LGALS9C: variants seen among roughly 807,000 people sequenced by gnomAD.
The protein encoded by LGALS9C is galectin-9C.
A neutral mutation model predicts 41.3 loss-of-function variants in LGALS9C; 7 were observed. That is an observed-to-expected ratio of 0.17 (90% CI 0.10 to 0.32). The LOEUF (loss-of-function observed/expected upper bound fraction) is 0.32, where lower values mean the gene tolerates loss of function less well. LGALS9C is among the 10% of genes least tolerant of loss of function. LGALS9C has a pLI of 1.00. For missense variants in LGALS9C, 102 were observed against 455.2 expected (o/e 0.22, Z 7.06); for synonymous variants, 44 against 171.0 (o/e 0.26, Z 5.80).
In LGALS9C at chr17:18,477,392, C is replaced by G. The variant is rs569228939; in HGVS notation, c.39+499C>G. On this transcript the variant is annotated intron_variant, in intron 1 of 10. Coordinates refer to ENST00000328114, the MANE Select transcript of LGALS9C (RefSeq NM_001040078.3). ...GATATGGATTAAGGAAGTAGTGTATCTAGAGTGTTTGAACAGTGCCTGACA... is the reference window on the plus strand; with the variant it reads ...GATATGGATTAAGGAAGTAGTGTATGTAGAGTGTTTGAACAGTGCCTGACA... Among the ~76,000 whole-genome samples, 6 of 122,398 alleles carry G rather than the reference C, an allele frequency of 4.9e-5. 1 individual carries two copies. Among genetic ancestry groups the G allele is most frequent in the African/African-American group, 1.5e-4 (6 of 39,432 alleles). The allele number at this position is 122,398 out of a possible 152,430, so 80.3% of individuals were successfully genotyped here. A position where few individuals can be genotyped will look rare whatever the true frequency, so the allele number is the denominator to read the frequency against.
chr17:18,476,948 G>A lies in LGALS9C; in HGVS notation c.39+55G>A, dbSNP rs1395916976. On this transcript the variant is annotated intron_variant, in intron 1 of 10. Coordinates refer to ENST00000328114, the MANE Select transcript of LGALS9C (RefSeq NM_001040078.3). ...GCCTCAGCCAGGGGGACACAGTTCTGGGGCTCTGAGGAAGCAACTCCTGGG... is the reference window on the plus strand; with the variant it reads ...GCCTCAGCCAGGGGGACACAGTTCTAGGGCTCTGAGGAAGCAACTCCTGGG... The A allele has an allele frequency of 1.2e-5, 18 of 1,445,436 alleles. No homozygotes were observed. The East Asian group carries it at 4.0e-4, about 32-fold the overall frequency. 89.5% of individuals were successfully genotyped at this position (1,445,436 alleles called of 1,614,324 possible).
chr17:18,484,739 C>G (rs1989529166), intron 2 of LGALS9C, among the ~76,000 whole-genome samples: 1 of 151,068 alleles, frequency 6.6e-6, no homozygotes, highest in African/African-American at 2.4e-5. Flanking sequence ...TCTTAAGACC[C>G]TCTGGGCCTC....
chr17:18,479,321 G>A lies in LGALS9C; in HGVS notation c.39+2428G>A, dbSNP rs1289179033. Among the ~76,000 whole-genome samples, 3 of 130,138 alleles carry A rather than the reference G, an allele frequency of 2.3e-5. No homozygotes were observed. The East Asian group carries it at 5.8e-4, about 25-fold the overall frequency. The allele number at this position is 130,138 out of a possible 152,430, so 85.4% of individuals were successfully genotyped here. A position where few individuals can be genotyped will look rare whatever the true frequency, so the allele number is the denominator to read the frequency against. ...ATTGATTTGTTCCATGCAAAGAGCTGCACTGTCAAGGCCGACATGGGCCAG... is the reference window on the plus strand; with the variant it reads ...ATTGATTTGTTCCATGCAAAGAGCTACACTGTCAAGGCCGACATGGGCCAG... On this transcript the variant is annotated intron_variant, in intron 1 of 10. Transcript: ENST00000328114.
chr17:18,479,216 T>G (rs964906255), intron 1 of LGALS9C, among the ~76,000 whole-genome samples: 4 of 121,794 alleles, frequency 3.3e-5, no homozygotes, highest in Admixed American at 3.2e-4. Flanking sequence ...TGCTTTGACT[T>G]CCAGGTAGGA....
chr17:18,494,676 G>A lies in LGALS9C; in HGVS notation c.*309G>A. On this transcript the variant is annotated 3_prime_UTR_variant, in exon 11 of 11. Coordinates refer to ENST00000328114, the MANE Select transcript of LGALS9C (RefSeq NM_001040078.3). ...CAGTGAAGATGAAGCCCCATGCTCA[G>A]TCCCCTCCCATCCCCCACGCAGCTC... 2.2e-6 allele frequency: 1 copy of A among 452,060 alleles called. No individual in the cohort carries two copies. Among genetic ancestry groups the A allele is most frequent in the Non-Finnish European group, 4.2e-6 (1 of 238,924 alleles). 28.0% of individuals were successfully genotyped at this position (452,060 alleles called of 1,614,324 possible).
intron 1 of LGALS9C, among the ~76,000 whole-genome samples, chr17:18,481,976 C>T (rs1315251110): frequency 3.3e-5 from 5 of 149,264 alleles, no homozygotes; most frequent in Non-Finnish European, 7.6e-5. Context: ...ATTGTACCAT[C>T]AACAACACAC....
At chr17:18,478,616 A>C (rs1310228054) in intron 1 of LGALS9C, among the ~76,000 whole-genome samples, 1 of 120,298 alleles carries the variant, frequency 8.3e-6, no homozygotes, top group African/African-American at 2.7e-5. Context: ...GGCCTCATCT[A>C]GCCCAGCCTC....
intron 4 of LGALS9C, among the ~76,000 whole-genome samples, chr17:18,488,253 G>A (rs1445795788): frequency 2.4e-5 from 3 of 123,024 alleles, no homozygotes; most frequent in East Asian, 2.0e-4. Context: ...ACACAATGGC[G>A]CCCCTGGGCC....
At chr17:18,484,915 C>T (rs1989538659) in intron 2 of LGALS9C, among the ~76,000 whole-genome samples, 1 of 143,310 alleles carries the variant, frequency 7.0e-6, no homozygotes, top group African/African-American at 2.4e-5. Flanking sequence ...GGAATCAGAA[C>T]CATGCCTCTG....
At chr17:18,487,443 A>C (rs1302370788) in intron 3 of LGALS9C, among the ~76,000 whole-genome samples, 15 of 51,438 alleles carry the variant, frequency 2.9e-4, no homozygotes, top group African/African-American at 7.1e-4. Flanking sequence ...GGAAGGAAAC[A>C]ACCAGAAGAA....
chr17:18,482,411 T>C (rs1389440670), intron 1 of LGALS9C, among the ~76,000 whole-genome samples: 2 of 124,152 alleles, frequency 1.6e-5, no homozygotes, highest in Non-Finnish European at 3.7e-5. Context: ...CCTCCCAAAA[T>C]GCTGGGATTA....
At chr17:18,484,210 G>A in intron 2 of LGALS9C, 1 of 383,084 alleles carries the variant, frequency 2.6e-6, no homozygotes. Flanking sequence ...TCTAAGGAAG[G>A]AGTGGGATGG....
At position 18,477,202 on chromosome 17, in the gene LGALS9C, A is replaced by G. The variant is rs1233874972; in HGVS notation, c.39+309A>G. 3.0e-4 allele frequency among the ~76,000 whole-genome samples: 39 copies of G among 131,478 alleles called. 4 individuals are homozygous for G. Among genetic ancestry groups the G allele is most frequent in the Non-Finnish European group, 4.6e-4 (25 of 54,628 alleles). The allele number at this position is 131,478 out of a possible 152,430, so 86.3% of individuals were successfully genotyped here. A position where few individuals can be genotyped will look rare whatever the true frequency, so the allele number is the denominator to read the frequency against. ...TGGTTTGTGTAAAGAGGAAGCAAGCATGCTTCTGGGACAGTAAGGATGCTA... is the reference window on the plus strand; with the variant it reads ...TGGTTTGTGTAAAGAGGAAGCAAGCGTGCTTCTGGGACAGTAAGGATGCTA... On this transcript the variant is annotated intron_variant, in intron 1 of 10. Coordinates refer to ENST00000328114, the MANE Select transcript of LGALS9C (RefSeq NM_001040078.3).
Position 18,487,671 on chromosome 17 carries a change from G to T in LGALS9C, c.358G>T (p.Val120Leu). 1 of 1,514,270 alleles carries T rather than the reference G, an allele frequency of 6.6e-7. No homozygotes were observed. 93.8% of individuals were successfully genotyped at this position (1,514,270 alleles called of 1,614,324 possible). A position where few individuals can be genotyped will look rare whatever the true frequency, so the allele number is the denominator to read the frequency against. Residue 120 changes from valine (V) to leucine (L), a missense_variant, in exon 4 of 11, where the codon GTG becomes TTG. Coordinates refer to ENST00000328114, the MANE Select transcript of LGALS9C (RefSeq NM_001040078.3). Reference protein sequence around the residue: ...FKVMVNGSLFVQYFHRVPFHR... With the variant: ...FKVMVNGSLFLQYFHRVPFHR... ...GGTGATGGTGAACGGGAGCCTCTTC[G>T]TGCAGTACTTCCACCGCGTGCCCTT...
chr17:18,488,239 G>A (rs562623112), intron 4 of LGALS9C, among the ~76,000 whole-genome samples: 1 of 125,244 alleles, frequency 8.0e-6, no homozygotes, highest in Non-Finnish European at 1.9e-5. Context: ...AGATATCAGA[G>A]GTCACACAAT....
rs540934652 is a variant in LGALS9C at position 18,477,203 on chromosome 17, T to A, written c.39+310T>A. 2.3e-5 allele frequency among the ~76,000 whole-genome samples: 3 copies of A among 131,226 alleles called. No individual in the cohort carries two copies. The East Asian group carries it at 5.8e-4, about 26-fold the overall frequency. 86.1% of individuals were successfully genotyped at this position (131,226 alleles called of 152,430 possible). A position where few individuals can be genotyped will look rare whatever the true frequency, so the allele number is the denominator to read the frequency against. On this transcript the variant is annotated intron_variant, in intron 1 of 10. Coordinates refer to ENST00000328114, the MANE Select transcript of LGALS9C (RefSeq NM_001040078.3). ...GGTTTGTGTAAAGAGGAAGCAAGCA[T>A]GCTTCTGGGACAGTAAGGATGCTAC...
chr17:18,485,546 TAATC>T (rs1248066498), intron 2 of LGALS9C, among the ~76,000 whole-genome samples: 1 of 80,056 alleles, frequency 1.2e-5, no homozygotes, highest in Non-Finnish European at 3.3e-5. Context: ...CTTTCGCACT[TAATC>T]AGGCATGTGC....
At chr17:18,479,123 T>TC (rs1368392970) in intron 1 of LGALS9C, among the ~76,000 whole-genome samples, 2 of 88,174 alleles carry the variant, frequency 2.3e-5, no homozygotes, top group Non-Finnish European at 6.2e-5. Context: ...AGCTCCCTAC[T>TC]CCTGGGGCCA....
intron 3 of LGALS9C, among the ~76,000 whole-genome samples, 159 bp from the exon 4 acceptor site, chr17:18,487,488 G>T (rs370963483): frequency 0.15 from 8,417 of 54,360 alleles, 3 homozygotes; most frequent in African/African-American, 0.29. Flanking sequence ...AGAGACTCCG[G>T]TTGATGCACT....
Sources: gnomAD v4.1 joint callset for allele counts (sites outside exome capture counted in the v4.1 genomes callset) on GRCh38, gnomAD v4.1.1 for gene constraint, MANE v1.5 for transcripts, NCBI Gene and HGNC (gene_info 2026-07-23, HGNC 2026-07-21) for gene names.